Variants in GCH1 observed in about 807,000 individuals in gnomAD.
GCH1 encodes GTP cyclohydrolase I.
A neutral mutation model predicts 25.9 loss-of-function variants in GCH1; 5 were observed. The ratio of observed to expected loss-of-function variants is 0.19; its 90% CI spans 0.10 to 0.41. The LOEUF (loss-of-function observed/expected upper bound fraction) is 0.41. Among genes scored for constraint, GCH1 ranks in the 10% least tolerant of loss-of-function variants. The probability of loss-of-function intolerance (pLI) is 1.00; values close to 1 mark genes in which losing one functional copy is unlikely to be tolerated. For synonymous variants in GCH1, 159 were observed against 129.6 expected (o/e 1.23, Z -1.54); for missense variants, 261 against 336.5 (o/e 0.78, Z 1.75).
At chr14:54,859,336 A>G (rs1020615414) in intron 3 of GCH1, 9 of 313,368 alleles carry the variant, frequency 2.9e-5, no homozygotes, top group African/African-American at 1.9e-4. Flanking sequence ...TTCTTCCCCA[A>G]CCCCTCACTG....
intron 3 of GCH1, among the ~76,000 whole-genome samples, chr14:54,847,563 T>C (rs1366493370): frequency 6.6e-6 from 1 of 152,190 alleles, no homozygotes; most frequent in African/African-American, 2.4e-5. Context: ...CTCCAAGTTC[T>C]TCAGTTTTGA....
At chr14:54,867,589 CA>C (rs1029899399) in intron 1 of GCH1, among the ~76,000 whole-genome samples, 227 of 46,634 alleles carry the variant, frequency 4.9e-3, no homozygotes, top group African/African-American at 0.013. Context: ...GACTCCGTCT[CA>C]AAAAAAAAAA....
At chr14:54,861,425 A>G (rs2039894655) in intron 2 of GCH1, among the ~76,000 whole-genome samples, 1 of 152,124 alleles carries the variant, frequency 6.6e-6, no homozygotes, top group Non-Finnish European at 1.5e-5. Flanking sequence ...TAGGTAATTT[A>G]AATGTCCATT....
Position 54,885,579 on chromosome 14 carries a change from C to A in GCH1, c.343+16742G>T, listed in dbSNP as rs1190726901. On this transcript the variant is annotated intron_variant, in intron 1 of 5. Coordinates refer to ENST00000491895, the MANE Select transcript of GCH1 (RefSeq NM_000161.3). ...AAGGTGAGGGATGAATCCCTGATGT[C>A]ATCTGCCACCAGGAAGAAAGCTTGC... The A allele has an allele frequency of 5.9e-5, 23 of 392,512 alleles. No homozygotes were observed. In the East Asian group the frequency reaches 1.2e-3, roughly 21 times the overall value. The allele number at this position is 392,512 out of a possible 1,614,324, so 24.3% of individuals were successfully genotyped here.
chr14:54,885,438 T>C (rs1030531656), intron 1 of GCH1: 3 of 225,150 alleles, frequency 1.3e-5, no homozygotes, highest in Non-Finnish European at 2.7e-5. Context: ...GGTAATGGGG[T>C]TGCTCTCAGC....
chr14:54,884,790 C>CAA lies in GCH1; in HGVS notation c.343+17529_343+17530dup, dbSNP rs1196225675. 3.0e-3 allele frequency: 413 copies of CAA among 136,700 alleles called. 8 individuals are homozygous for CAA. Among genetic ancestry groups the CAA allele is most frequent in the African/African-American group, 9.7e-3 (316 of 32,664 alleles). The allele number at this position is 136,700 out of a possible 1,614,324, so 8.5% of individuals were successfully genotyped here. A position where few individuals can be genotyped will look rare whatever the true frequency, so the allele number is the denominator to read the frequency against. Reference sequence around the variant, plus strand: ...TGTCTCAAAACAACAACAACAACAACAACAACAACAAAAAAAAAGATTACA... The same window carrying CAA: ...TGTCTCAAAACAACAACAACAACAACAAAACAACAACAAAAAAAAAGATTACA... On this transcript the variant is annotated intron_variant, in intron 1 of 5. Coordinates refer to ENST00000491895, the MANE Select transcript of GCH1 (RefSeq NM_000161.3).
intron 1 of GCH1, among the ~76,000 whole-genome samples, chr14:54,890,203 A>C (rs1017473972): frequency 3.7e-4 from 57 of 152,350 alleles, no homozygotes; most frequent in African/African-American, 1.2e-3. Flanking sequence ...ATTGCAGATA[A>C]AACAAATAAC....
At chr14:54,855,247 C>A (rs566543641) in intron 3 of GCH1, among the ~76,000 whole-genome samples, 1 of 151,958 alleles carries the variant, frequency 6.6e-6, no homozygotes, top group Admixed American at 6.6e-5. Flanking sequence ...GGCTCACTCC[C>A]GTAATCCCAG....
intron 1 of GCH1, chr14:54,878,034 T>G (rs2040188669): frequency 6.5e-6 from 1 of 153,650 alleles, no homozygotes; most frequent in African/African-American, 2.4e-5. Flanking sequence ...AAACTTCATC[T>G]CTTCAAAATG....
intron 1 of GCH1, among the ~76,000 whole-genome samples, chr14:54,874,354 G>C (rs899306057): frequency 6.6e-6 from 1 of 152,118 alleles, no homozygotes; most frequent in African/African-American, 2.4e-5. Context: ...AAAATAATAA[G>C]AGCTATCTAT....
intron 1 of GCH1, among the ~76,000 whole-genome samples, chr14:54,896,045 C>T (rs1349511351): frequency 1.3e-5 from 2 of 152,198 alleles, no homozygotes; most frequent in Non-Finnish European, 1.5e-5. Context: ...TCAATCCACA[C>T]AAGAGGCACT....
intron 1 of GCH1, among the ~76,000 whole-genome samples, chr14:54,877,645 C>A (rs2040182370): frequency 6.6e-6 from 1 of 152,140 alleles, no homozygotes; most frequent in Non-Finnish European, 1.5e-5. Flanking sequence ...AGGCGCAAGC[C>A]ACCATGCCTG....
chr14:54,842,638 A>G lies in GCH1; in HGVS notation c.*1379T>C, dbSNP rs2140036591. On this transcript the variant is annotated 3_prime_UTR_variant, in exon 6 of 6. Coordinates refer to ENST00000491895, the MANE Select transcript of GCH1 (RefSeq NM_000161.3). ...CATCAAAGTGGCAGAGATGGGACTA[A>G]AGTTAAAGCAAGCATCAAAGTTATT... The G allele has an allele frequency of 5.5e-6, 1 of 180,630 alleles. No individual in the cohort carries two copies. Among genetic ancestry groups the G allele is most frequent in the Non-Finnish European group, 1.1e-5 (1 of 87,158 alleles). 11.2% of individuals were successfully genotyped at this position (180,630 alleles called of 1,614,324 possible).
At chr14:54,848,070 C>A (rs2039670333) in intron 3 of GCH1, among the ~76,000 whole-genome samples, 1 of 151,974 alleles carries the variant, frequency 6.6e-6, no homozygotes, top group South Asian at 2.1e-4. Context: ...GTAAGATTAA[C>A]CCCCAAGAAA....
intron 1 of GCH1, among the ~76,000 whole-genome samples, chr14:54,894,222 C>T (rs1000426561): frequency 2.0e-5 from 3 of 152,314 alleles, no homozygotes; most frequent in Admixed American, 1.3e-4. Flanking sequence ...ATTAGCTAAA[C>T]TAACACAGGC....
chr14:54,892,247 C>T lies in GCH1; in HGVS notation c.343+10074G>A, dbSNP rs116224146. Among the ~76,000 whole-genome samples the T allele has an allele frequency of 9.4e-3, 1,438 of 152,290 alleles. 28 individuals carry two copies. The highest frequency in any genetic ancestry group is 0.033 in the African/African-American group (1,352 of 41,536). On this transcript the variant is annotated intron_variant, in intron 1 of 5. Transcript: ENST00000491895. ...AAATTTATTCTGAATGATGGCAATC[C>T]AGTTTGGTACTACCCTCAGTTTCAG...
chr14:54,843,899 C>T lies in GCH1; in HGVS notation c.*118G>A, dbSNP rs1212829365. On this transcript the variant is annotated 3_prime_UTR_variant, in exon 6 of 6. Transcript: ENST00000491895. ...AAATAATTTTAAATATAATTAGTGACAAGGAATAAAGTTCACATCTGTAAC... is the reference window on the plus strand; with the variant it reads ...AAATAATTTTAAATATAATTAGTGATAAGGAATAAAGTTCACATCTGTAAC... 3 of 1,608,482 alleles carry T rather than the reference C, an allele frequency of 1.9e-6. No individual in the cohort carries two copies. Among genetic ancestry groups the T allele is most frequent in the African/African-American group, 1.3e-5 (1 of 74,846 alleles).
At chr14:54,899,868 CTTTTTT>C (rs145278590) in intron 1 of GCH1, among the ~76,000 whole-genome samples, 1 of 145,502 alleles carries the variant, frequency 6.9e-6, no homozygotes, top group East Asian at 2.0e-4. Flanking sequence ...CATCCATGGA[CTTTTTT>C]TTTTTTTGAA....
intron 1 of GCH1, among the ~76,000 whole-genome samples, chr14:54,868,890 G>A (rs1012730170): frequency 1.3e-5 from 2 of 151,006 alleles, no homozygotes; most frequent in South Asian, 2.1e-4. Context: ...GTGAGCCACC[G>A]TACCTGGCCT....
Sources: allele counts gnomAD v4.1 joint callset (sites outside exome capture counted in the v4.1 genomes callset), GRCh38; gene constraint gnomAD v4.1.1; transcripts MANE v1.5; gene names NCBI Gene and HGNC (gene_info 2026-07-23, HGNC 2026-07-21).